TTC3: variants seen among roughly 807,000 people sequenced by gnomAD.
The protein encoded by TTC3 is tetratricopeptide repeat domain 3.
TTC3 carries 180 observed loss-of-function variants against 249.6 expected under a neutral mutation model. That is an observed-to-expected ratio of 0.72 (90% CI 0.64 to 0.82). TTC3 has a LOEUF of 0.82. TTC3 is among the 40% of genes least tolerant of loss of function. The pLI, the probability that TTC3 is intolerant of heterozygous loss-of-function variation, is 0.00. For missense variants in TTC3, 2,061 were observed against 2,398.4 expected (o/e 0.86, Z 2.94); for synonymous variants, 717 against 805.0 (o/e 0.89, Z 1.85).
intron 11 of TTC3, among the ~76,000 whole-genome samples, chr21:37,108,826 A>G (rs1401977259): frequency 6.6e-6 from 1 of 152,222 alleles, no homozygotes. Flanking sequence ...AGCAGTGAAG[A>G]CAACCATCTT....
chr21:37,087,533 G>T, intron 2 of TTC3, 132 bp downstream of exon 2: 2 of 1,150,604 alleles, frequency 1.7e-6, no homozygotes, highest in Non-Finnish European at 2.5e-6. Context: ...TTGAAAAGTT[G>T]ATTTGAGAAG....
intron 11 of TTC3, among the ~76,000 whole-genome samples, chr21:37,110,429 G>A (rs2075551123): frequency 6.6e-6 from 1 of 152,190 alleles, no homozygotes; most frequent in Non-Finnish European, 1.5e-5. Flanking sequence ...CTCAGTAACC[G>A]ATGCGATCAA....
chr21:37,125,398 G>A (rs1299948139), intron 14 of TTC3, among the ~76,000 whole-genome samples: 2 of 152,126 alleles, frequency 1.3e-5, no homozygotes, highest in African/African-American at 2.4e-5. Flanking sequence ...TCCCTTTTGT[G>A]AGTTGTGAGA....
intron 28 of TTC3, among the ~76,000 whole-genome samples, chr21:37,157,723 G>C (rs2080245279): frequency 6.6e-6 from 1 of 152,186 alleles, no homozygotes; most frequent in South Asian, 2.1e-4. Flanking sequence ...AGTCCAGCTT[G>C]AACTAACTAG....
chr21:37,108,173 A>G (rs2075272558), intron 10 of TTC3: 2 of 449,722 alleles, frequency 4.4e-6, no homozygotes, highest in Non-Finnish European at 8.0e-6. Context: ...ATTCCTGGGT[A>G]GTTGTGATTG....
At chr21:37,182,847 A>T (rs1445257422) in exon 36 of TTC3, 1 of 1,595,650 alleles carries the variant, frequency 6.3e-7, no homozygotes. Flanking sequence ...CAGGAAAAAA[A>T]AGAAATCCAA....
At chr21:37,131,987 A>G (rs1212488494) in intron 16 of TTC3, among the ~76,000 whole-genome samples, 3 of 152,184 alleles carry the variant, frequency 2.0e-5, no homozygotes, top group Non-Finnish European at 4.4e-5. Flanking sequence ...TTTATTGGGC[A>G]CATTTATTGT....
chr21:37,148,485 A>G, intron 22 of TTC3, 61 bp from the exon 23 acceptor site: 1 of 799,912 alleles, frequency 1.3e-6, no homozygotes. Flanking sequence ...TGTATGTTGT[A>G]GTGAGTGAGT....
At chr21:37,169,944 G>GA (rs1295767536) in intron 34 of TTC3, among the ~76,000 whole-genome samples, 1 of 151,800 alleles carries the variant, frequency 6.6e-6, no homozygotes, top group East Asian at 1.9e-4. Context: ...TTGCCATCTA[G>GA]AAAAAATCAA....
At chr21:37,148,424 C>G (rs947962234) in intron 22 of TTC3, 122 bp from the exon 23 acceptor site, 10 of 478,238 alleles carry the variant, frequency 2.1e-5, no homozygotes, top group Non-Finnish European at 3.4e-5. Flanking sequence ...AAGAATGATG[C>G]AACTTTATGC....
At chr21:37,179,423 C>G (rs1032167463) in intron 35 of TTC3, among the ~76,000 whole-genome samples, 2 of 152,182 alleles carry the variant, frequency 1.3e-5, no homozygotes, top group African/African-American at 4.8e-5. Flanking sequence ...TGCCTTTTCA[C>G]TTTCCTAATG....
chr21:37,104,383 A>G (rs2074841295), intron 10 of TTC3, among the ~76,000 whole-genome samples: 1 of 152,128 alleles, frequency 6.6e-6, no homozygotes, highest in Non-Finnish European at 1.5e-5. Context: ...AGAGGTCAGG[A>G]GTTCGAGACC....
intron 40 of TTC3, 93 bp downstream of exon 40, chr21:37,191,517 A>T: frequency 1.5e-6 from 1 of 666,908 alleles, no homozygotes; most frequent in Non-Finnish European, 2.3e-6. Context: ...TTTCTTTTTT[A>T]TCTATTATTA....
At chr21:37,127,503 A>G (rs116165159) in intron 15 of TTC3, among the ~76,000 whole-genome samples, 3 of 152,292 alleles carry the variant, frequency 2.0e-5, no homozygotes, top group African/African-American at 7.2e-5. Context: ...TTTGATGAAA[A>G]TCCTCTAAAG....
rs577647725 is a variant in TTC3, at chr21:37,094,462, G to A, written c.687+372G>A. 1.4e-3 allele frequency among the ~76,000 whole-genome samples: 212 copies of A among 152,298 alleles called. 1 individual carries two copies. Among genetic ancestry groups the A allele is most frequent in the Middle Eastern group, 3.4e-3 (1 of 292 alleles). On this transcript the variant is annotated intron_variant, in intron 8 of 45. Coordinates refer to ENST00000355666, the Ensembl canonical transcript of TTC3. ...AATTCCCTAATGCTGTTGATATGAT[G>A]TGATTTAGTTTATTTTTAAAAAATT... is the stretch of plus-strand genomic sequence containing the variant.
At chr21:37,109,833 C>G (rs1157328889) in intron 11 of TTC3, among the ~76,000 whole-genome samples, 1 of 152,240 alleles carries the variant, frequency 6.6e-6, no homozygotes, top group African/African-American at 2.4e-5. Context: ...ACTGACACCT[C>G]ACACGGCCGG....
At chr21:37,157,513 A>G (rs2080221472) in intron 28 of TTC3, among the ~76,000 whole-genome samples, 1 of 152,232 alleles carries the variant, frequency 6.6e-6, no homozygotes. Flanking sequence ...GTAACATGGT[A>G]GTAAACTCAA....
At chr21:37,112,536 G>A (rs1380740306) in intron 11 of TTC3, among the ~76,000 whole-genome samples, 1 of 152,232 alleles carries the variant, frequency 6.6e-6, no homozygotes, top group Non-Finnish European at 1.5e-5. Context: ...CTCTGAAGTT[G>A]AGCCAATAAT....
chr21:37,125,956 T>G, intron 14 of TTC3, 124 bp from the exon 15 acceptor site: 1 of 765,060 alleles, frequency 1.3e-6, no homozygotes, highest in Non-Finnish European at 2.0e-6. Context: ...AATAACCAGC[T>G]GCATATTTTA....
Sources: gnomAD v4.1 joint callset for allele counts (sites outside exome capture counted in the v4.1 genomes callset) on GRCh38, gnomAD v4.1.1 for gene constraint, MANE v1.5 for transcripts, NCBI Gene and HGNC (gene_info 2026-07-23, HGNC 2026-07-21) for gene names.